BACH2: variants seen among roughly 807,000 people sequenced by gnomAD.
The protein encoded by BACH2 is BACH transcriptional regulator 2, also known as transcription regulator protein BACH2.
BACH2 carries 5 observed loss-of-function variants against 61.8 expected under a neutral mutation model. That is an observed-to-expected ratio of 0.08 (90% confidence interval 0.04 to 0.17). The LOEUF is 0.17. Among genes scored for constraint, BACH2 ranks in the 10% least tolerant of loss-of-function variants. The pLI, the probability that BACH2 is intolerant of heterozygous loss-of-function variation, is 1.00. For synonymous variants in BACH2, 446 were observed against 440.1 expected, an observed-to-expected ratio of 1.01 and a Z score of -0.17; for missense variants, 824 against 1,091.1, an observed-to-expected ratio of 0.76 and a Z score of 3.45.
At chr6:90,021,410 C>T (rs1186172899) in intron 5 of BACH2, among the ~76,000 whole-genome samples, 3 of 151,708 alleles carry the variant, frequency 2.0e-5, no homozygotes, top group African/African-American at 7.3e-5. Context: ...GTCTAGAGTG[C>T]TTCAGATGAA....
intron 1 of BACH2, among the ~76,000 whole-genome samples, chr6:90,295,654 G>GGTGTGTGTGTGTGTGTGTGT (rs138869202): frequency 3.4e-5 from 5 of 147,734 alleles, no homozygotes; most frequent in African/African-American, 1.2e-4. Flanking sequence ...TGGAGTGTAG[G>GGTGTGTGTGTGTGTGTGTGT]GTGTGTGTGT....
intron 5 of BACH2, among the ~76,000 whole-genome samples, chr6:90,086,820 T>G (rs572568867): frequency 1.3e-5 from 2 of 152,334 alleles, no homozygotes; most frequent in South Asian, 4.1e-4. Flanking sequence ...TCTTTCACTT[T>G]ATGGTGAAGA....
At chr6:89,956,431 C>T (rs902222944) in intron 6 of BACH2, among the ~76,000 whole-genome samples, 4 of 152,142 alleles carry the variant, frequency 2.6e-5, no homozygotes, top group Admixed American at 6.5e-5. Flanking sequence ...GTACCGTGTC[C>T]GATGGTGCAA....
At chr6:90,105,930 T>TA (rs1782885652) in intron 4 of BACH2, among the ~76,000 whole-genome samples, 1 of 152,220 alleles carries the variant, frequency 6.6e-6, no homozygotes, top group Non-Finnish European at 1.5e-5. Flanking sequence ...ACAGTTTTCT[T>TA]AGAGTTAGTG....
chr6:89,994,702 T>C (rs1186512708), intron 6 of BACH2, among the ~76,000 whole-genome samples: 1 of 152,200 alleles, frequency 6.6e-6, no homozygotes, highest in Non-Finnish European at 1.5e-5. Context: ...AGAGTTTCAT[T>C]GTTCCAGTAC....
chr6:90,145,125 C>T (rs1401269075), intron 4 of BACH2, among the ~76,000 whole-genome samples: 1 of 151,852 alleles, frequency 6.6e-6, no homozygotes, highest in South Asian at 2.1e-4. Context: ...CTAAATCAGA[C>T]ACTGTATGTG....
intron 7 of BACH2, among the ~76,000 whole-genome samples, chr6:89,944,097 C>G (rs1482231751): frequency 6.6e-6 from 1 of 152,232 alleles, no homozygotes; most frequent in East Asian, 1.9e-4. Context: ...GGTCCAGTTT[C>G]TAGCACAAAT....
At chr6:90,161,803 G>C (rs1785200922) in intron 4 of BACH2, among the ~76,000 whole-genome samples, 1 of 152,108 alleles carries the variant, frequency 6.6e-6, no homozygotes, top group South Asian at 2.1e-4. Context: ...GCCAACCACA[G>C]ACAGGATGGA....
At chr6:89,972,379 T>A (rs1436335661) in intron 6 of BACH2, among the ~76,000 whole-genome samples, 1 of 151,894 alleles carries the variant, frequency 6.6e-6, no homozygotes, top group Non-Finnish European at 1.5e-5. Context: ...AGAGAGGCCA[T>A]TAGGAGGAAG....
In BACH2 at chr6:90,074,043, T is replaced by C. The variant is rs546375788; in HGVS notation, c.-13+14918A>G. On this transcript the variant is annotated intron_variant, in intron 5 of 8. Transcript: ENST00000257749. ...TGTGCTTTTTATAAATTATAGTGCATGCACTTTGTATAAATGAATGCATTT... is the reference window on the plus strand; with the variant it reads ...TGTGCTTTTTATAAATTATAGTGCACGCACTTTGTATAAATGAATGCATTT... Among the ~76,000 whole-genome samples, 4 of 152,364 alleles carry C rather than the reference T, an allele frequency of 2.6e-5. No individual in the cohort carries two copies. In the South Asian group the frequency reaches 6.2e-4, roughly 24 times the overall value.
chr6:90,150,672 T>A (rs1371185417), intron 4 of BACH2, among the ~76,000 whole-genome samples: 1 of 152,040 alleles, frequency 6.6e-6, no homozygotes, highest in Non-Finnish European at 1.5e-5. Context: ...GCAGCATAGT[T>A]CCGAGAAGGG....
At chr6:90,181,752 T>G (rs113710150) in intron 4 of BACH2, among the ~76,000 whole-genome samples, 2 of 152,052 alleles carry the variant, frequency 1.3e-5, no homozygotes, top group Non-Finnish European at 2.9e-5. Flanking sequence ...GGCTACTGAT[T>G]GATGGATTCA....
intron 4 of BACH2, among the ~76,000 whole-genome samples, chr6:90,118,820 T>C (rs925738734): frequency 6.6e-6 from 1 of 152,144 alleles, no homozygotes; most frequent in Non-Finnish European, 1.5e-5. Context: ...GTACAGTCAT[T>C]AAGGCGTGGG....
At chr6:90,199,730 A>G (rs774248989) in intron 4 of BACH2, among the ~76,000 whole-genome samples, 1 of 152,194 alleles carries the variant, frequency 6.6e-6, no homozygotes, top group Non-Finnish European at 1.5e-5. Flanking sequence ...GAGGGGCTAC[A>G]GTGGCCTGGT....
intron 6 of BACH2, among the ~76,000 whole-genome samples, chr6:90,002,598 C>T (rs138704985): frequency 0.012 from 1,769 of 152,204 alleles, 34 homozygotes; most frequent in African/African-American, 0.039. Flanking sequence ...GGCAAAATCC[C>T]GTCTCTACTG....
intron 6 of BACH2, among the ~76,000 whole-genome samples, chr6:89,964,062 G>C (rs188575664): frequency 0.025 from 3,866 of 152,258 alleles, 74 homozygotes; most frequent in South Asian, 0.048. Context: ...GTTGTGGGGT[G>C]GGAGGAGTGG....
chr6:90,031,612 A>G (rs1778986872), intron 5 of BACH2, among the ~76,000 whole-genome samples: 2 of 152,224 alleles, frequency 1.3e-5, no homozygotes, highest in Admixed American at 6.5e-5. Flanking sequence ...CAATTGCTTC[A>G]AAGAGAATAA....
intron 4 of BACH2, among the ~76,000 whole-genome samples, chr6:90,104,074 C>T (rs1009875691): frequency 2.0e-5 from 3 of 152,154 alleles, no homozygotes; most frequent in Admixed American, 1.3e-4. Flanking sequence ...AAATAAAATC[C>T]GCAGGTATCA....
chr6:90,191,419 T>A (rs1768567612), intron 4 of BACH2, among the ~76,000 whole-genome samples: 1 of 152,254 alleles, frequency 6.6e-6, no homozygotes, highest in Admixed American at 6.5e-5. Context: ...TCCGCACATT[T>A]GCAAATGGCT....
Sources: gnomAD v4.1 joint callset for allele counts (sites outside exome capture counted in the v4.1 genomes callset) on GRCh38, gnomAD v4.1.1 for gene constraint, MANE v1.5 for transcripts, NCBI Gene and HGNC (gene_info 2026-07-23, HGNC 2026-07-21) for gene names.